Variants in CNKSR2 observed in about 807,000 individuals in gnomAD.
The protein encoded by CNKSR2 is connector enhancer of kinase suppressor of Ras 2.
In CNKSR2, 14 loss-of-function variants were observed where a neutral mutation model predicts 84.4. That is an observed-to-expected ratio of 0.17 (90% confidence interval 0.11 to 0.26). The LOEUF is 0.26. CNKSR2 is among the 10% of genes least tolerant of loss of function. CNKSR2 has a pLI of 1.00. For missense variants in CNKSR2, 485 were observed against 771.2 expected (o/e 0.63, Z 4.40); for synonymous variants, 275 against 277.9 (o/e 0.99, Z 0.10).
intron 5 of CNKSR2, among the ~76,000 whole-genome samples, chrX:21,484,328 A>C (rs781493683): frequency 2.7e-5 from 3 of 111,367 alleles, no homozygotes; most frequent in African/African-American, 9.8e-5. Context: ...AACAAAACAA[A>C]AACCCATACT....
intron 1 of CNKSR2, among the ~76,000 whole-genome samples, chrX:21,381,935 A>G (rs1315152706): frequency 9.0e-6 from 1 of 111,114 alleles, no homozygotes; most frequent in African/African-American, 3.3e-5. Context: ...CACCAGTTTT[A>G]TTTTTATATT....
intron 1 of CNKSR2, among the ~76,000 whole-genome samples, chrX:21,377,742 T>C (rs1316769254): frequency 9.0e-6 from 1 of 111,286 alleles, no homozygotes; most frequent in Non-Finnish European, 1.9e-5. Context: ...GGAATGGCCA[T>C]ATATTTATGA....
At chrX:21,641,298 A>G (rs972956785) in intron 20 of CNKSR2, among the ~76,000 whole-genome samples, 1 of 112,053 alleles carries the variant, frequency 8.9e-6, no homozygotes, top group African/African-American at 3.2e-5. Flanking sequence ...TTGGGAGATT[A>G]ACATTTCCAA....
intron 11 of CNKSR2, among the ~76,000 whole-genome samples, chrX:21,550,683 A>T (rs2092079928): frequency 8.9e-6 from 1 of 112,261 alleles, no homozygotes; most frequent in Non-Finnish European, 1.9e-5. Flanking sequence ...CCCATCAATG[A>T]TAGACTGGAT....
intron 21 of CNKSR2, among the ~76,000 whole-genome samples, chrX:21,650,730 C>T (rs2092718981): frequency 8.9e-6 from 1 of 111,758 alleles, no homozygotes; most frequent in Non-Finnish European, 1.9e-5. Flanking sequence ...GACAGACAAA[C>T]TAGAAAATGA....
chrX:21,470,332 T>C lies in CNKSR2; in HGVS notation c.520-434T>C, dbSNP rs187696295. Among the ~76,000 whole-genome samples, 22 of 111,723 alleles carry C rather than the reference T, an allele frequency of 2.0e-4. No homozygotes were observed. In the East Asian group the frequency reaches 5.9e-3, roughly 30 times the overall value. Reference sequence around the variant, plus strand: ...TGAAAATATAAAAGTATTTGAGATTTTGATAGGACTATTGAAATAAATGTT... The same window carrying C: ...TGAAAATATAAAAGTATTTGAGATTCTGATAGGACTATTGAAATAAATGTT... On this transcript the variant is annotated intron_variant, in intron 4 of 21. Transcript: ENST00000379510.
At chrX:21,394,403 TTAC>T (rs2090092906) in intron 1 of CNKSR2, among the ~76,000 whole-genome samples, 2 of 112,203 alleles carry the variant, frequency 1.8e-5, no homozygotes, top group Non-Finnish European at 3.8e-5. Context: ...TCTTTCCCTT[TTAC>T]TAACTTCTGT....
Position 21,452,753 on chromosome X carries a change from C to CTTATTTTATTTTATTTTATT in CNKSR2, c.519+12020_519+12039dup, listed in dbSNP as rs3050694. Among the ~76,000 whole-genome samples the CTTATTTTATTTTATTTTATT allele has an allele frequency of 9.4e-4, 82 of 86,837 alleles. 2 individuals are homozygous for CTTATTTTATTTTATTTTATT. Among genetic ancestry groups the CTTATTTTATTTTATTTTATT allele is most frequent in the African/African-American group, 3.0e-3 (60 of 20,284 alleles). 75.4% of individuals were successfully genotyped at this position (86,837 alleles called of 115,157 possible). A position where few individuals can be genotyped will look rare whatever the true frequency, so the allele number is the denominator to read the frequency against. ...GTTCTCAGCCATTTTACAAGCATGA[C>CTTATTTTATTTTATTTTATT]TTATTTTATTTTATTTTATTTTATT... On this transcript the variant is annotated intron_variant, in intron 4 of 21. Transcript: ENST00000379510.
chrX:21,503,101 A>G (rs1449336649), intron 8 of CNKSR2: 2 of 274,358 alleles, frequency 7.3e-6, no homozygotes, highest in African/African-American at 5.6e-5. Context: ...TATTTAAAGG[A>G]TATTGTTTGT....
chrX:21,530,184 A>G lies in CNKSR2; in HGVS notation c.1092-1672A>G, dbSNP rs746823759. The stretch of plus-strand genomic sequence containing the variant: ...TATATTTATTTCCTTCATGTTGCCT[A>G]AGAACTATCTATATAGTTCTATTGT... On this transcript the variant is annotated intron_variant, in intron 10 of 21. Transcript: ENST00000379510. 7.2e-5 allele frequency among the ~76,000 whole-genome samples: 8 copies of G among 111,663 alleles called. No homozygotes were observed. In the East Asian group the frequency reaches 2.3e-3, roughly 31 times the overall value.
At chrX:21,650,090 A>G (rs1257639752) in intron 21 of CNKSR2, among the ~76,000 whole-genome samples, 1 of 111,558 alleles carries the variant, frequency 9.0e-6, no homozygotes, top group African/African-American at 3.3e-5. Flanking sequence ...TACCCAAAGG[A>G]TTATAAATCA....
chrX:21,531,220 G>A (rs887519682), intron 10 of CNKSR2, among the ~76,000 whole-genome samples: 2 of 110,673 alleles, frequency 1.8e-5, no homozygotes, highest in African/African-American at 6.5e-5. Flanking sequence ...AGGCTGCAGT[G>A]CTCCTTATGG....
chrX:21,610,593 G>T (rs1017175290), intron 20 of CNKSR2, among the ~76,000 whole-genome samples: 1 of 112,423 alleles, frequency 8.9e-6, no homozygotes, highest in Non-Finnish European at 1.9e-5. Flanking sequence ...TGAGCAAATG[G>T]TGATGAAATC....
intron 9 of CNKSR2, among the ~76,000 whole-genome samples, chrX:21,521,175 A>T (rs2147104445): frequency 9.0e-6 from 1 of 110,699 alleles, no homozygotes; most frequent in East Asian, 2.8e-4. Flanking sequence ...CATTAGTGAC[A>T]AAAAAATTTA....
At chrX:21,547,466 A>G (rs1466553337) in intron 11 of CNKSR2, among the ~76,000 whole-genome samples, 1 of 111,383 alleles carries the variant, frequency 9.0e-6, no homozygotes, top group Non-Finnish European at 1.9e-5. Context: ...TTAGACTCCC[A>G]CACAATAATA....
At chrX:21,581,904 T>G (rs2092355737) in intron 13 of CNKSR2, among the ~76,000 whole-genome samples, 1 of 111,736 alleles carries the variant, frequency 8.9e-6, no homozygotes, top group South Asian at 3.7e-4. Flanking sequence ...AGGAGTGTTT[T>G]GGGTGGAAAA....
intron 5 of CNKSR2, among the ~76,000 whole-genome samples, chrX:21,478,206 A>G (rs781200864): frequency 1.8e-5 from 2 of 112,023 alleles, no homozygotes; most frequent in African/African-American, 6.5e-5. Flanking sequence ...TGTGCTAACA[A>G]TATTGCTGAA....
At chrX:21,478,119 C>T (rs2091278676) in intron 5 of CNKSR2, among the ~76,000 whole-genome samples, 1 of 111,428 alleles carries the variant, frequency 9.0e-6, no homozygotes, top group Non-Finnish European at 1.9e-5. Flanking sequence ...ACGTAAGATG[C>T]TTCTTTATGT....
chrX:21,580,330 T>C (rs1158538213), intron 13 of CNKSR2, among the ~76,000 whole-genome samples: 1 of 111,788 alleles, frequency 8.9e-6, no homozygotes, highest in Non-Finnish European at 1.9e-5. Flanking sequence ...AACTACCAGA[T>C]GTAGAAACAT....
Sources: gnomAD v4.1 joint callset for allele counts (sites outside exome capture counted in the v4.1 genomes callset) on GRCh38, gnomAD v4.1.1 for gene constraint, MANE v1.5 for transcripts, NCBI Gene and HGNC (gene_info 2026-07-23, HGNC 2026-07-21) for gene names.